RUNX1: variants seen among roughly 807,000 people sequenced by gnomAD.
RUNX1 encodes the protein runt-related transcription factor 1.
A neutral mutation model predicts 42.8 loss-of-function variants in RUNX1; 19 were observed. That is an observed-to-expected ratio of 0.44 (90% CI 0.31 to 0.65). RUNX1 has a LOEUF of 0.65. Ranked by LOEUF, RUNX1 falls within the 30% of genes least tolerant of loss-of-function variation. The probability of loss-of-function intolerance (pLI) is 0.07; values close to 1 mark genes in which losing one functional copy is unlikely to be tolerated. For missense variants in RUNX1, 528 were observed against 672.0 expected, an observed-to-expected ratio of 0.79 and a Z score of 2.37; for synonymous variants, 271 against 289.4, an observed-to-expected ratio of 0.94 and a Z score of 0.64.
intron 2 of RUNX1, among the ~76,000 whole-genome samples, chr21:35,006,799 T>C (rs2059088338): frequency 6.6e-6 from 1 of 152,152 alleles, no homozygotes; most frequent in Admixed American, 6.5e-5. Flanking sequence ...TGAGCCTGAA[T>C]CAAGGCCTGC....
intron 2 of RUNX1, among the ~76,000 whole-genome samples, chr21:34,971,313 C>A (rs1241865335): frequency 6.6e-6 from 1 of 152,102 alleles, no homozygotes; most frequent in African/African-American, 2.4e-5. Flanking sequence ...CTTAACTTCC[C>A]TTAATTGATT....
At chr21:34,816,442 A>G (rs1024778016) in intron 7 of RUNX1, among the ~76,000 whole-genome samples, 14 of 136,284 alleles carry the variant, frequency 1.0e-4, no homozygotes, top group African/African-American at 3.9e-4. Context: ...GTGGTGGTTG[A>G]GTTTTTACTG....
At chr21:34,981,188 G>A (rs540733720) in intron 2 of RUNX1, among the ~76,000 whole-genome samples, 15 of 152,276 alleles carry the variant, frequency 9.9e-5, no homozygotes, top group Admixed American at 4.6e-4. Flanking sequence ...TGTGGAGTTC[G>A]TTTTGAAGTC....
chr21:34,823,430 G>GTTTTTTTTTTTTTTTTTTTTTTT lies in RUNX1; in HGVS notation c.805+10957_805+10979dup, dbSNP rs56957776. 2.0e-5 allele frequency among the ~76,000 whole-genome samples: 2 copies of GTTTTTTTTTTTTTTTTTTTTTTT among 99,664 alleles called. 1 individual carries two copies. Among genetic ancestry groups the GTTTTTTTTTTTTTTTTTTTTTTT allele is most frequent in the African/African-American group, 1.0e-4 (2 of 19,530 alleles). The allele number at this position is 99,664 out of a possible 152,430, so 65.4% of individuals were successfully genotyped here. The stretch of plus-strand genomic sequence containing the variant: ...TAAGCACCATTTCCATTCCTGGTGG[G>GTTTTTTTTTTTTTTTTTTTTTTT]TTTTTTTTTTTTTTTTTTTTTTTTT... On this transcript the variant is annotated intron_variant, in intron 7 of 8. Coordinates refer to ENST00000675419, the MANE Select transcript of RUNX1 (RefSeq NM_001754.5).
At chr21:34,939,198 T>C (rs978091606) in intron 2 of RUNX1, among the ~76,000 whole-genome samples, 2 of 152,232 alleles carry the variant, frequency 1.3e-5, no homozygotes, top group African/African-American at 4.8e-5. Context: ...AAAATTATCC[T>C]CTGGAACAAA....
chr21:34,822,708 G>C (rs1281211784), intron 7 of RUNX1, among the ~76,000 whole-genome samples: 1 of 152,186 alleles, frequency 6.6e-6, no homozygotes, highest in Non-Finnish European at 1.5e-5. Context: ...AGGCCAAGTC[G>C]AGCCCTTGAG....
intron 2 of RUNX1, among the ~76,000 whole-genome samples, chr21:34,929,034 C>A (rs1476494442): frequency 1.3e-5 from 2 of 151,840 alleles, no homozygotes; most frequent in Non-Finnish European, 2.9e-5. Flanking sequence ...AATTCTCGAA[C>A]CTGTAGAAAG....
intron 2 of RUNX1, among the ~76,000 whole-genome samples, chr21:34,982,248 T>C (rs893030091): frequency 2.0e-5 from 3 of 152,180 alleles, no homozygotes; most frequent in African/African-American, 7.2e-5. Context: ...TGTAGAGAAT[T>C]CTTCTAGGGA....
In RUNX1 at chr21:35,027,039, TAGAGGCAAGGACGGGGTCTGTGTCA is replaced by T. The variant is rs2059242433; in HGVS notation, c.58+21778_58+21802del. ...GAAAAGAAGTAGAGCGGCCCCACCC[TAGAGGCAAGGACGGGGTCTGTGTCA>T]AGAGGCTTCCCAGAGAAGTGAAAAC... On this transcript the variant is annotated intron_variant, in intron 2 of 8. Coordinates refer to ENST00000675419, the MANE Select transcript of RUNX1 (RefSeq NM_001754.5). Among the ~76,000 whole-genome samples, 3 of 152,272 alleles carry T rather than the reference TAGAGGCAAGGACGGGGTCTGTGTCA, an allele frequency of 2.0e-5. No homozygotes were observed. In the South Asian group the frequency reaches 6.2e-4, roughly 32 times the overall value.
At chr21:34,891,169 T>G (rs1033769401) in intron 3 of RUNX1, among the ~76,000 whole-genome samples, 1 of 152,300 alleles carries the variant, frequency 6.6e-6, no homozygotes. Context: ...TCAAGTTCCT[T>G]TATCGAGTAA....
chr21:34,851,556 A>C (rs1166756707), intron 6 of RUNX1, among the ~76,000 whole-genome samples: 1 of 152,214 alleles, frequency 6.6e-6, no homozygotes. Context: ...ACATGTTTGA[A>C]GCTTAAGAAA....
At chr21:34,879,273 A>G (rs1281264424) in intron 5 of RUNX1, among the ~76,000 whole-genome samples, 1 of 152,214 alleles carries the variant, frequency 6.6e-6, no homozygotes, top group Non-Finnish European at 1.5e-5. Flanking sequence ...CATGCTTTCA[A>G]AAAGTGGATA....
At chr21:35,031,174 C>T (rs866942116) in intron 2 of RUNX1, among the ~76,000 whole-genome samples, 1 of 152,132 alleles carries the variant, frequency 6.6e-6, no homozygotes, top group East Asian at 1.9e-4. Flanking sequence ...CATGGAGAGA[C>T]CCTGTCTCTA....
intron 6 of RUNX1, among the ~76,000 whole-genome samples, chr21:34,835,191 CCCCTCT>C (rs890729365): frequency 1.2e-4 from 18 of 152,166 alleles, no homozygotes; most frequent in African/African-American, 3.6e-4. Context: ...AGCCCCTCAG[CCCCTCT>C]CCCTCTCCCT....
intron 2 of RUNX1, among the ~76,000 whole-genome samples, chr21:34,981,793 T>A (rs1907391156): frequency 6.6e-6 from 1 of 152,192 alleles, no homozygotes; most frequent in African/African-American, 2.4e-5. Flanking sequence ...ACTATAATAA[T>A]ATGGCTTGAT....
chr21:34,949,034 G>A (rs754391617), intron 2 of RUNX1, among the ~76,000 whole-genome samples: 2 of 152,062 alleles, frequency 1.3e-5, no homozygotes, highest in South Asian at 2.1e-4. Context: ...GATTACAGGC[G>A]TGAGCCACTG....
chr21:34,943,318 C>A (rs60928534), intron 2 of RUNX1, among the ~76,000 whole-genome samples: 10,751 of 152,240 alleles, frequency 0.071, 529 homozygotes, highest in African/African-American at 0.12. Flanking sequence ...AACTTCTTTG[C>A]TGTCTTTACC....
chr21:35,038,176 C>T (rs2059323860), intron 2 of RUNX1, among the ~76,000 whole-genome samples: 1 of 152,086 alleles, frequency 6.6e-6, no homozygotes, highest in African/African-American at 2.4e-5. Context: ...CCGTGAGGTT[C>T]GATAAATGGC....
At chr21:35,037,979 C>T (rs1171679999) in intron 2 of RUNX1, among the ~76,000 whole-genome samples, 5 of 151,466 alleles carry the variant, frequency 3.3e-5, no homozygotes, top group South Asian at 2.1e-4. Flanking sequence ...TTCGGGGCCA[C>T]GTTCTTGAGG....
Sources: allele counts gnomAD v4.1 joint callset (sites outside exome capture counted in the v4.1 genomes callset), GRCh38; gene constraint gnomAD v4.1.1; transcripts MANE v1.5; gene names NCBI Gene and HGNC (gene_info 2026-07-23, HGNC 2026-07-21).